Variants in MRPS28 observed in about 807,000 individuals in gnomAD.
MRPS28 encodes mitochondrial ribosomal protein S28, also known as small ribosomal subunit protein bS1m.
MRPS28 carries 7 observed loss-of-function variants against 10.8 expected under a neutral mutation model. The ratio of observed to expected loss-of-function variants is 0.65; its 90% confidence interval spans 0.37 to 1.22. The LOEUF is 1.22. MRPS28 is among the 50% of genes most tolerant of loss of function. The probability of loss-of-function intolerance (pLI) is 0.02; values close to 1 mark genes in which losing one functional copy is unlikely to be tolerated. For missense variants in MRPS28, 265 were observed against 232.9 expected, an observed-to-expected ratio of 1.14 and a Z score of -0.90; for synonymous variants, 121 against 93.3, an observed-to-expected ratio of 1.30 and a Z score of -1.71.
intron 2 of MRPS28, among the ~76,000 whole-genome samples, chr8:79,971,682 C>T (rs1347258164): frequency 2.0e-5 from 3 of 152,290 alleles, no homozygotes; most frequent in East Asian, 1.9e-4. Context: ...TGTTGTATCA[C>T]GTCTTAGTAC....
At position 79,950,205 on chromosome 8, in the gene MRPS28, C is replaced by T. The variant is rs554493888; in HGVS notation, c.396-31057G>A. On this transcript the variant is annotated intron_variant, in intron 2 of 2. Transcript: ENST00000276585. ...CTCTTGTGTATCAATAAAACAAATG[C>T]TTAACTAATTTTTTCTTTCTTTTGT... Among the ~76,000 whole-genome samples the T allele has an allele frequency of 4.9e-3, 751 of 152,156 alleles. 5 individuals are homozygous for T. The highest frequency in any genetic ancestry group is 0.01 in the Middle Eastern group (3 of 294).
intron 1 of MRPS28, among the ~76,000 whole-genome samples, chr8:80,021,337 C>T (rs1464092033): frequency 6.6e-6 from 1 of 152,072 alleles, no homozygotes; most frequent in African/African-American, 2.4e-5. Context: ...GGAACATCTG[C>T]TCAAAAATTT....
At chr8:79,951,948 G>A (rs1314219078) in intron 2 of MRPS28, among the ~76,000 whole-genome samples, 1 of 152,166 alleles carries the variant, frequency 6.6e-6, no homozygotes, top group East Asian at 1.9e-4. Context: ...TTTGTTAGGT[G>A]AGTTGGTAAG....
At chr8:79,950,579 T>C (rs1371716738) in intron 2 of MRPS28, among the ~76,000 whole-genome samples, 2 of 152,104 alleles carry the variant, frequency 1.3e-5, no homozygotes, top group African/African-American at 2.4e-5. Flanking sequence ...CAAGCACAAT[T>C]ACAAAATGCC....
intron 2 of MRPS28, among the ~76,000 whole-genome samples, chr8:79,921,108 G>A (rs898067992): frequency 1.3e-5 from 2 of 152,050 alleles, no homozygotes; most frequent in African/African-American, 2.4e-5. Context: ...GTAGATATGA[G>A]GCATTATTTC....
At chr8:79,952,635 C>A (rs1454506104) in intron 2 of MRPS28, among the ~76,000 whole-genome samples, 3 of 152,164 alleles carry the variant, frequency 2.0e-5, no homozygotes, top group African/African-American at 7.2e-5. Flanking sequence ...TACCCCCCTA[C>A]ATCAGGGTCC....
At chr8:80,010,206 T>C (rs1048115011) in intron 1 of MRPS28, among the ~76,000 whole-genome samples, 1 of 152,204 alleles carries the variant, frequency 6.6e-6, no homozygotes, top group African/African-American at 2.4e-5. Flanking sequence ...TTTTTGTGTA[T>C]GGAGTGGTGT....
chr8:79,959,340 A>T (rs1310444498), intron 2 of MRPS28, among the ~76,000 whole-genome samples: 1 of 152,076 alleles, frequency 6.6e-6, no homozygotes. Context: ...AAAAAATTCA[A>T]ATTGTTATTC....
chr8:80,022,536 C>G (rs1809393990), intron 1 of MRPS28, among the ~76,000 whole-genome samples: 1 of 152,190 alleles, frequency 6.6e-6, no homozygotes, highest in Non-Finnish European at 1.5e-5. Flanking sequence ...GTTCAGCTGC[C>G]AACTCCTAGA....
intron 2 of MRPS28, among the ~76,000 whole-genome samples, chr8:79,980,594 T>A (rs761427150): frequency 4.6e-5 from 7 of 152,192 alleles, no homozygotes; most frequent in Non-Finnish European, 7.3e-5. Context: ...TCACTGGAGG[T>A]TAACTTCATC....
At position 80,012,683 on chromosome 8, in the gene MRPS28, A is replaced by G. The variant is rs571646767; in HGVS notation, c.214-9503T>C. ...ATCAGATCTCCTGCTATTCTGCTGTACTATTTTCTCCTTTGAAGCCTGAAA... is the reference window on the plus strand; with the variant it reads ...ATCAGATCTCCTGCTATTCTGCTGTGCTATTTTCTCCTTTGAAGCCTGAAA... On this transcript the variant is annotated intron_variant, in intron 1 of 2. Transcript: ENST00000276585. Among the ~76,000 whole-genome samples, 15 of 152,352 alleles carry G rather than the reference A, an allele frequency of 9.8e-5. No individual in the cohort carries two copies. In the South Asian group the frequency reaches 2.3e-3, roughly 23 times the overall value.
chr8:79,944,260 C>T (rs1360808466), intron 2 of MRPS28, among the ~76,000 whole-genome samples: 1 of 152,158 alleles, frequency 6.6e-6, no homozygotes, highest in Non-Finnish European at 1.5e-5. Flanking sequence ...CTGAATATTC[C>T]AATATCCCAC....
intron 1 of MRPS28, among the ~76,000 whole-genome samples, chr8:80,013,702 A>AT (rs1338064134): frequency 1.3e-5 from 2 of 151,916 alleles, no homozygotes; most frequent in African/African-American, 4.8e-5. Context: ...ATGAAATGGT[A>AT]TATATACTTT....
intron 1 of MRPS28, among the ~76,000 whole-genome samples, chr8:80,026,550 C>A (rs576340350): frequency 6.6e-6 from 1 of 152,130 alleles, no homozygotes; most frequent in South Asian, 2.1e-4. Flanking sequence ...AAATATTTAC[C>A]GAGTGCCCAC....
intron 2 of MRPS28, among the ~76,000 whole-genome samples, chr8:79,983,386 C>T (rs569019060): frequency 0.052 from 7,908 of 151,614 alleles, 664 homozygotes; most frequent in African/African-American, 0.18. Context: ...TCCAAAGGAA[C>T]GCAGCTCCTC....
chr8:79,998,500 G>A (rs372606250), intron 2 of MRPS28, among the ~76,000 whole-genome samples: 97 of 152,148 alleles, frequency 6.4e-4, no homozygotes, highest in African/African-American at 2.1e-3. Context: ...CTTAGATTCT[G>A]AATGCTACTA....
intron 2 of MRPS28, among the ~76,000 whole-genome samples, chr8:79,989,027 A>T (rs1047295680): frequency 6.6e-6 from 1 of 152,228 alleles, no homozygotes; most frequent in Non-Finnish European, 1.5e-5. Flanking sequence ...ATTGAATAAT[A>T]CAAAGCAGTT....
At chr8:79,985,297 G>C (rs928770955) in intron 2 of MRPS28, among the ~76,000 whole-genome samples, 4 of 152,186 alleles carry the variant, frequency 2.6e-5, no homozygotes, top group Non-Finnish European at 4.4e-5. Context: ...GAAATTTATA[G>C]CACTAAATGC....
At chr8:79,991,512 C>A (rs1808360649) in intron 2 of MRPS28, among the ~76,000 whole-genome samples, 1 of 152,054 alleles carries the variant, frequency 6.6e-6, no homozygotes. Flanking sequence ...TACCTAGAAT[C>A]ACAGTTGGAA....
Sources: allele counts gnomAD v4.1 joint callset (sites outside exome capture counted in the v4.1 genomes callset), GRCh38; gene constraint gnomAD v4.1.1; transcripts MANE v1.5; gene names NCBI Gene and HGNC (gene_info 2026-07-23, HGNC 2026-07-21).